The following LRRC37A2 variants were observed in gnomAD, a reference collection of about 807,000 sequenced individuals.
LRRC37A2 encodes the protein leucine-rich repeat-containing protein 37A2.
A neutral mutation model predicts 68.8 loss-of-function variants in LRRC37A2; 9 were observed. The ratio of observed to expected loss-of-function variants is 0.13; its 90% CI spans 0.08 to 0.23. The LOEUF (loss-of-function observed/expected upper bound fraction) is 0.23, where lower values mean the gene tolerates loss of function less well. Ranked by LOEUF, LRRC37A2 falls within the 10% of genes least tolerant of loss-of-function variation. LRRC37A2 has a pLI of 1.00. For synonymous variants in LRRC37A2, 63 were observed against 367.6 expected, an observed-to-expected ratio of 0.17 and a Z score of 9.48; for missense variants, 168 against 950.4, an observed-to-expected ratio of 0.18 and a Z score of 10.82.
the LRRC37A2 span, among the ~76,000 whole-genome samples, chr17:46,879,970 C>T: frequency 6.6e-6 from 1 of 152,240 alleles, no homozygotes; most frequent in African/African-American, 2.4e-5. Flanking sequence ...CACTGGGCCC[C>T]TCCCAACCTA....
the LRRC37A2 span, chr17:46,769,959 T>G: frequency 6.2e-7 from 1 of 1,612,806 alleles, no homozygotes; most frequent in African/African-American, 1.3e-5. Context: ...CAGCCGCAAA[T>G]GGTGGAGGTG....
At chr17:46,759,493 C>T in the LRRC37A2 span, among the ~76,000 whole-genome samples, 1 of 152,246 alleles carries the variant, frequency 6.6e-6, no homozygotes, top group African/African-American at 2.4e-5. Flanking sequence ...CAACTTCTGT[C>T]TCACTATTTT....
the LRRC37A2 span, among the ~76,000 whole-genome samples, chr17:47,025,416 T>C: frequency 3.9e-5 from 6 of 152,310 alleles, no homozygotes; most frequent in African/African-American, 1.4e-4. Context: ...ATTATATCAA[T>C]AATATTATCG....
the LRRC37A2 span, among the ~76,000 whole-genome samples, chr17:46,418,072 G>A: frequency 1.0e-3 from 142 of 141,562 alleles, no homozygotes; most frequent in African/African-American, 3.6e-3. Flanking sequence ...GATAAAAGTT[G>A]GTCAGCTTTC....
At chr17:46,913,298 G>A in the LRRC37A2 span, among the ~76,000 whole-genome samples, 2 of 152,198 alleles carry the variant, frequency 1.3e-5, no homozygotes, top group Non-Finnish European at 2.9e-5. Context: ...ACCTCACACC[G>A]GGCACTGAGC....
chr17:46,895,130 A>T, the LRRC37A2 span, among the ~76,000 whole-genome samples: 1 of 152,204 alleles, frequency 6.6e-6, no homozygotes, highest in Non-Finnish European at 1.5e-5. Flanking sequence ...AGGCCCTCCC[A>T]GCGCCCGGCT....
chr17:46,568,993 G>T, the LRRC37A2 span, among the ~76,000 whole-genome samples: 1 of 130,198 alleles, frequency 7.7e-6, no homozygotes, highest in Non-Finnish European at 1.6e-5. Context: ...CCCAGGCTGG[G>T]GTGCAATGGC....
the LRRC37A2 span, among the ~76,000 whole-genome samples, chr17:46,684,485 T>C: frequency 6.6e-6 from 1 of 152,134 alleles, no homozygotes; most frequent in Non-Finnish European, 1.5e-5. Flanking sequence ...TCAAATGGTA[T>C]TTCTGGTTCT....
chr17:46,708,820 A>ATTTTTTT, the LRRC37A2 span, among the ~76,000 whole-genome samples: 1 of 98,550 alleles, frequency 1.0e-5, no homozygotes, highest in African/African-American at 4.1e-5. Flanking sequence ...ATATATATAT[A>ATTTTTTT]TATTTTTTTT....
chr17:46,511,956 CT>C, intron 1 of LRRC37A2, among the ~76,000 whole-genome samples: 1 of 59,170 alleles, frequency 1.7e-5, no homozygotes, highest in Non-Finnish European at 4.2e-5. Flanking sequence ...AACATGCTGA[CT>C]TTAACAACCT....
the LRRC37A2 span, chr17:46,773,846 G>T: frequency 6.2e-7 from 1 of 1,613,178 alleles, no homozygotes; most frequent in Non-Finnish European, 8.5e-7. Context: ...CCAGGCCTGG[G>T]ATGGAGCCGC....
At chr17:46,970,173 CT>C in the LRRC37A2 span, among the ~76,000 whole-genome samples, 1 of 152,142 alleles carries the variant, frequency 6.6e-6, no homozygotes, top group Non-Finnish European at 1.5e-5. Flanking sequence ...CACGGCTGTC[CT>C]GCCTCATCTC....
At chr17:46,939,876 T>C in the LRRC37A2 span, 2 of 993,450 alleles carry the variant, frequency 2.0e-6, no homozygotes, top group Non-Finnish European at 2.4e-6. Flanking sequence ...TCTAATGTGG[T>C]GAATCACTGA....
chr17:46,833,183 C>G, the LRRC37A2 span: 2 of 380,970 alleles, frequency 5.2e-6, no homozygotes, highest in East Asian at 1.5e-4. Context: ...ACATGGTGCT[C>G]TCAGCACAGA....
chr17:46,489,317 T>C, the LRRC37A2 span, among the ~76,000 whole-genome samples: 2 of 94,306 alleles, frequency 2.1e-5, no homozygotes, highest in Non-Finnish European at 4.6e-5. Context: ...TTTGTATTTT[T>C]AGTAGAGACG....
the LRRC37A2 span, among the ~76,000 whole-genome samples, chr17:46,963,316 G>A: frequency 1.4e-4 from 22 of 152,184 alleles, no homozygotes; most frequent in South Asian, 2.1e-4. Flanking sequence ...AGGCCAAGGC[G>A]GGTGGATCAC....
chr17:46,931,251 C>T, the LRRC37A2 span: 11 of 923,796 alleles, frequency 1.2e-5, no homozygotes, highest in Admixed American at 1.9e-4. Flanking sequence ...CCAGGCCCAT[C>T]AAGACAGGCT....
At chr17:46,749,671 C>A in the LRRC37A2 span, 1 of 1,120,354 alleles carries the variant, frequency 8.9e-7, no homozygotes, top group Non-Finnish European at 1.2e-6. Context: ...TTTGCATCGG[C>A]AAGATTAAAT....
the LRRC37A2 span, among the ~76,000 whole-genome samples, chr17:46,633,957 G>A: frequency 4.6e-5 from 2 of 43,430 alleles, no homozygotes; most frequent in African/African-American, 3.2e-4. Flanking sequence ...CTGCAGCCTC[G>A]CCTCCCAGGT....
Sources: allele counts gnomAD v4.1 joint callset (sites outside exome capture counted in the v4.1 genomes callset), GRCh38; gene constraint gnomAD v4.1.1; transcripts MANE v1.5; gene names NCBI Gene and HGNC (gene_info 2026-07-23, HGNC 2026-07-21).